Variants in CENPN observed in about 807,000 individuals in gnomAD.
CENPN encodes the protein centromere protein N, also known as interphase centromere complex protein 32.
Under a neutral mutation model 48.6 loss-of-function variants are expected in CENPN, and 36 were observed. That is an observed-to-expected ratio of 0.74 (90% CI 0.57 to 0.98). CENPN has a LOEUF of 0.98. Among genes scored for constraint, CENPN ranks in the 50% least tolerant of loss-of-function variants. The probability of loss-of-function intolerance (pLI) is 0.00; values close to 1 mark genes in which losing one functional copy is unlikely to be tolerated. For missense variants in CENPN, 439 were observed against 399.2 expected (o/e 1.10, Z -0.85); for synonymous variants, 166 against 135.2 (o/e 1.23, Z -1.58).
chr16:81,017,688 T>C (rs1435933832), intron 4 of CENPN, 70 bp from the exon 5 acceptor site: 1 of 1,079,090 alleles, frequency 9.3e-7, no homozygotes, highest in East Asian at 2.4e-5. Flanking sequence ...TTCATGGTAC[T>C]TTACGAATGT....
At chr16:81,019,986 C>A in intron 5 of CENPN, 114 bp from the exon 6 acceptor site, 1 of 688,532 alleles carries the variant, frequency 1.5e-6, no homozygotes, top group Non-Finnish European at 2.2e-6. Context: ...CAGGTCTCAA[C>A]CTGCATACAA....
At position 81,024,781 on chromosome 16, in the gene CENPN, A is replaced by G; in HGVS notation, c.697+3A>G. On this transcript the variant is annotated splice_donor_region_variant and intron_variant, in intron 8 of 10. Coordinates refer to ENST00000305850, the MANE Select transcript of CENPN (RefSeq NM_001100624.3). ...AAGCCTTGGACTAGATATAAATAGT[A>G]CGTGTGTGTTAATATGAAACTGAAT... The G allele has an allele frequency of 6.3e-7, 1 of 1,592,634 alleles. No individual in the cohort carries two copies. Among genetic ancestry groups the G allele is most frequent in the Non-Finnish European group, 8.6e-7 (1 of 1,164,556 alleles).
At chr16:81,017,975 A>G (rs910910622) in intron 5 of CENPN, 141 bp downstream of exon 5, 1 of 572,654 alleles carries the variant, frequency 1.7e-6, no homozygotes, top group African/African-American at 1.9e-5. Flanking sequence ...CATATCAGAA[A>G]CACACTGTAA....
At chr16:81,011,370 C>T (rs751812114) in intron 1 of CENPN, among the ~76,000 whole-genome samples, 2 of 152,208 alleles carry the variant, frequency 1.3e-5, no homozygotes, top group Non-Finnish European at 2.9e-5. Context: ...TTGTTTCTCT[C>T]TCCCCACTAG....
chr16:81,023,792 C>T (rs973956968), intron 7 of CENPN: 1 of 152,034 alleles, frequency 6.6e-6, no homozygotes, highest in Non-Finnish European at 1.5e-5. Flanking sequence ...CAACAAATAA[C>T]CAGGCATGCC....
intron 8 of CENPN, 102 bp downstream of exon 8, chr16:81,024,880 C>T (rs375729392): frequency 4.9e-5 from 33 of 672,574 alleles, no homozygotes; most frequent in African/African-American, 3.4e-4. Flanking sequence ...TAATTTAAAA[C>T]TTTTATTGTT....
At position 81,008,390 on chromosome 16, in the gene CENPN, G is replaced by C. The variant is rs946593548; in HGVS notation, c.-11+1113G>C. On this transcript the variant is annotated intron_variant, in intron 1 of 10. Transcript: ENST00000305850. ...TTTTTTGTTTGTTTTTTGTTTTTTT[G>C]AGACGGAGTCTTGCTTTGTCGCCCA... 2.6e-5 allele frequency among the ~76,000 whole-genome samples: 4 copies of C among 151,800 alleles called. No homozygotes were observed. The East Asian group carries it at 7.8e-4, about 29-fold the overall frequency.
At chr16:81,016,786 C>CACAT (rs71272433) in intron 3 of CENPN, 4,590 of 152,858 alleles carry the variant, frequency 0.03, 141 homozygotes, top group African/African-American at 0.076. Flanking sequence ...AATAAATACA[C>CACAT]ACATACATAC....
rs930876629 is a variant in CENPN, at chr16:81,028,520, G to A, written c.938-49G>A. 8 of 1,590,874 alleles carry A rather than the reference G, an allele frequency of 5.0e-6. No homozygotes were observed. The Admixed American group carries it at 5.6e-5, about 11-fold the overall frequency. On this transcript the variant is annotated intron_variant, in intron 10 of 10. Coordinates refer to ENST00000305850, the MANE Select transcript of CENPN (RefSeq NM_001100624.3). Reference sequence around the variant, plus strand: ...TAAACTGACTCAAATCCATCCTCCTGTGATGACTTTTAATTTTCTTTTTCC... The same window carrying A: ...TAAACTGACTCAAATCCATCCTCCTATGATGACTTTTAATTTTCTTTTTCC...
Position 81,029,972 on chromosome 16 carries a change from T to TG in CENPN, c.*1323dup, listed in dbSNP as rs1334851450. 6.6e-6 allele frequency among the ~76,000 whole-genome samples: 1 copy of TG among 152,182 alleles called. No individual in the cohort carries two copies. Among genetic ancestry groups the TG allele is most frequent in the African/African-American group, 2.4e-5 (1 of 41,442 alleles). On this transcript the variant is annotated 3_prime_UTR_variant, in exon 11 of 11. Coordinates refer to ENST00000305850, the MANE Select transcript of CENPN (RefSeq NM_001100624.3). ...GGCCAGGGAGGCCTCACAATCATGG[T>TG]GGAAGGCAAATGAGAAGCAAAGTCA...
rs1970739307 is a variant in CENPN at position 81,030,816 on chromosome 16, C to T, written c.*2165C>T. On this transcript the variant is annotated 3_prime_UTR_variant, in exon 11 of 11. Coordinates refer to ENST00000305850, the MANE Select transcript of CENPN (RefSeq NM_001100624.3). ...ATCCCAGCACTTTCAGAGGCCAAGG[C>T]AGGTGGGTCACAAGGTCAAGAGTTT... 1 of 152,036 alleles carries T rather than the reference C, an allele frequency of 6.6e-6. No homozygotes were observed. The highest frequency in any genetic ancestry group is 1.5e-5 in the Non-Finnish European group (1 of 68,064). The allele number at this position is 152,036 out of a possible 1,614,324, so 9.4% of individuals were successfully genotyped here.
intron 1 of CENPN, among the ~76,000 whole-genome samples, chr16:81,009,634 A>T (rs1461261727): frequency 6.6e-6 from 1 of 152,172 alleles, no homozygotes. Flanking sequence ...TCTTTGTCTT[A>T]CTATCATTTT....
In CENPN at chr16:81,030,174, G is replaced by C. The variant is rs948619625; in HGVS notation, c.*1523G>C. The C allele has an allele frequency of 6.8e-5, 67 of 984,458 alleles. No individual in the cohort carries two copies. The highest frequency in any genetic ancestry group is 7.6e-5 in the Non-Finnish European group (63 of 829,204). The allele number at this position is 984,458 out of a possible 1,614,324, so 61.0% of individuals were successfully genotyped here. A position where few individuals can be genotyped will look rare whatever the true frequency, so the allele number is the denominator to read the frequency against. On this transcript the variant is annotated 3_prime_UTR_variant, in exon 11 of 11. Transcript: ENST00000305850. Reference sequence around the variant, plus strand: ...CACATGGGGGTTATTACAATTCAAGGTGACACTTGTGTGGAGACACAGCCA... The same window carrying C: ...CACATGGGGGTTATTACAATTCAAGCTGACACTTGTGTGGAGACACAGCCA...
At chr16:81,026,141 A>ATATATG (rs1567555403) in intron 8 of CENPN, among the ~76,000 whole-genome samples, 3 of 144,522 alleles carry the variant, frequency 2.1e-5, no homozygotes, top group African/African-American at 7.8e-5. Flanking sequence ...GTATATATAT[A>ATATATG]TGTATATATA....
At chr16:81,018,235 G>C (rs963161535) in intron 5 of CENPN, among the ~76,000 whole-genome samples, 5 of 151,744 alleles carry the variant, frequency 3.3e-5, no homozygotes, top group African/African-American at 9.7e-5. Flanking sequence ...GGAGTGCAGT[G>C]GCGAGATCTC....
In CENPN at chr16:81,028,949, C is replaced by G. The variant is rs1167952364; in HGVS notation, c.*298C>G. Reference sequence around the variant, plus strand: ...ATGCTCTGAAATCAAGCATATGGCACAGCGCTCAAGACTTTTGGGTTTGTG... The same window carrying G: ...ATGCTCTGAAATCAAGCATATGGCAGAGCGCTCAAGACTTTTGGGTTTGTG... On this transcript the variant is annotated 3_prime_UTR_variant, in exon 11 of 11. Coordinates refer to ENST00000305850, the MANE Select transcript of CENPN (RefSeq NM_001100624.3). 5.6e-6 allele frequency: 6 copies of G among 1,062,928 alleles called. No homozygotes were observed. Among genetic ancestry groups the G allele is most frequent in the Non-Finnish European group, 6.8e-6 (6 of 880,938 alleles). The allele number at this position is 1,062,928 out of a possible 1,614,324, so 65.8% of individuals were successfully genotyped here. A position where few individuals can be genotyped will look rare whatever the true frequency, so the allele number is the denominator to read the frequency against.
At chr16:81,024,991 T>A (rs1466174213) in intron 8 of CENPN, among the ~76,000 whole-genome samples, 1 of 152,200 alleles carries the variant, frequency 6.6e-6, no homozygotes, top group Non-Finnish European at 1.5e-5. Context: ...AACAAAACAA[T>A]AATTACAAAA....
rs143205259 is a variant in CENPN, at chr16:81,017,361, G to A, written c.253G>A (p.Val85Ile). 2.5e-5 allele frequency: 40 copies of A among 1,595,726 alleles called. No individual in the cohort carries two copies. Among genetic ancestry groups the A allele is most frequent in the Non-Finnish European group, 3.2e-5 (37 of 1,164,090 alleles). ...QFHQHQKVWE[V>I]FQMSKGPGED... ...TCATCAGCACCAGAAAGTTTGGGAA[G>A]TTTTTCAGATGAGTAAAGGACCAGG... Residue 85 changes from valine (V) to isoleucine (I), a missense_variant, in exon 4 of 11, where the codon GTT becomes ATT. By Grantham distance (29) the Val-to-Ile change is conservative. Transcript: ENST00000305850.
At chr16:81,022,772 G>GA in intron 7 of CENPN, 74 bp downstream of exon 7, 1 of 1,614,048 alleles carries the variant, frequency 6.2e-7, no homozygotes, top group East Asian at 2.2e-5. Flanking sequence ...AAGCTACTGG[G>GA]AAAATCTACC....
Sources: gnomAD v4.1 joint callset for allele counts (sites outside exome capture counted in the v4.1 genomes callset) on GRCh38, gnomAD v4.1.1 for gene constraint, MANE v1.5 for transcripts, NCBI Gene and HGNC (gene_info 2026-07-23, HGNC 2026-07-21) for gene names.